The following TMEM167A variants were observed in gnomAD, a reference collection of about 807,000 sequenced individuals.
TMEM167A encodes protein kish-A.
A neutral mutation model predicts 11.6 loss-of-function variants in TMEM167A; 8 were observed. The ratio of observed to expected loss-of-function variants is 0.69; its 90% CI spans 0.40 to 1.24. The LOEUF is 1.24. TMEM167A is among the 50% of genes most tolerant of loss of function. TMEM167A has a pLI of 0.01. For missense variants in TMEM167A, 62 were observed against 87.0 expected (o/e 0.71, Z 1.14); for synonymous variants, 22 against 28.0 (o/e 0.79, Z 0.67).
At chr5:83,067,556 G>A (rs574807189) in intron 1 of TMEM167A, among the ~76,000 whole-genome samples, 82 of 152,284 alleles carry the variant, frequency 5.4e-4, no homozygotes, top group Middle Eastern at 3.4e-3. Context: ...CCAGGCTGAA[G>A]TGCAGTGGTG....
intron 2 of TMEM167A, among the ~76,000 whole-genome samples, chr5:83,062,327 T>C (rs1241215380): frequency 6.6e-6 from 1 of 152,212 alleles, no homozygotes; most frequent in African/African-American, 2.4e-5. Context: ...AACACTCTTA[T>C]AATAAACTTT....
At chr5:83,065,253 T>G in intron 1 of TMEM167A, 136 bp from the exon 2 acceptor site, 1 of 602,106 alleles carries the variant, frequency 1.7e-6, no homozygotes, top group South Asian at 2.3e-5. Flanking sequence ...TGGCAACACT[T>G]AAAACCAGAA....
intron 1 of TMEM167A, among the ~76,000 whole-genome samples, chr5:83,067,679 A>AT (rs75444591): frequency 0.024 from 3,506 of 143,590 alleles, 46 homozygotes; most frequent in African/African-American, 0.038. Context: ...TAAATTTTGT[A>AT]TTTTTTTTTT....
At chr5:83,062,953 G>C (rs78770893) in intron 2 of TMEM167A, among the ~76,000 whole-genome samples, 1 of 150,112 alleles carries the variant, frequency 6.7e-6, no homozygotes, top group Non-Finnish European at 1.5e-5. Flanking sequence ...TTCTATATAT[G>C]TTCCTCCTCT....
At chr5:83,074,115 T>A (rs1042915755) in intron 1 of TMEM167A, among the ~76,000 whole-genome samples, 1 of 152,248 alleles carries the variant, frequency 6.6e-6, no homozygotes, top group African/African-American at 2.4e-5. Context: ...GTCTTTGGCA[T>A]GGCACAAAGC....
chr5:83,073,921 G>A (rs1006953189), intron 1 of TMEM167A, among the ~76,000 whole-genome samples: 1 of 152,154 alleles, frequency 6.6e-6, no homozygotes, highest in African/African-American at 2.4e-5. Flanking sequence ...TCAGAGTTGA[G>A]ACATTCAATC....
At chr5:83,072,190 T>A (rs536675928) in intron 1 of TMEM167A, among the ~76,000 whole-genome samples, 1 of 152,086 alleles carries the variant, frequency 6.6e-6, no homozygotes, top group South Asian at 2.1e-4. Context: ...CTATTTTATA[T>A]AAACCTCAGA....
At chr5:83,075,667 C>T (rs925157869) in intron 1 of TMEM167A, among the ~76,000 whole-genome samples, 7 of 151,898 alleles carry the variant, frequency 4.6e-5, no homozygotes, top group Admixed American at 3.9e-4. Context: ...ATTGCTTGAA[C>T]CCAGGAAGCA....
At chr5:83,077,272 A>C in intron 1 of TMEM167A, 49 bp downstream of exon 1, 1 of 1,614,144 alleles carries the variant, frequency 6.2e-7, no homozygotes, top group Non-Finnish European at 8.5e-7. Flanking sequence ...GTCTAGATCC[A>C]CAACCCCTTC....
rs1446499725 is a variant in TMEM167A at position 83,053,013 on chromosome 5, T to A, written c.*4071A>T. The A allele has an allele frequency of 6.6e-6, 1 of 151,906 alleles. No individual in the cohort carries two copies. Among genetic ancestry groups the A allele is most frequent in the East Asian group, 1.9e-4 (1 of 5,192 alleles). 9.4% of individuals were successfully genotyped at this position (151,906 alleles called of 1,614,324 possible). On this transcript the variant is annotated 3_prime_UTR_variant, in exon 4 of 4. Coordinates refer to ENST00000502346, the MANE Select transcript of TMEM167A (RefSeq NM_174909.5). ...TTTTGGAGATTAGCTTAGGGCAAAG[T>A]AAAAGTCATGGAAGGCAGTGTATAA...
At chr5:83,059,446 C>G (rs1410261539) in intron 3 of TMEM167A, among the ~76,000 whole-genome samples, 2 of 148,880 alleles carry the variant, frequency 1.3e-5, no homozygotes, top group East Asian at 3.9e-4. Flanking sequence ...TAACTCCAGA[C>G]CTGCTCTTCC....
At chr5:83,066,227 A>G (rs1402969305) in intron 1 of TMEM167A, among the ~76,000 whole-genome samples, 3 of 152,210 alleles carry the variant, frequency 2.0e-5, no homozygotes, top group East Asian at 3.8e-4. Flanking sequence ...AAATATGTCA[A>G]TCTCACACAA....
intron 1 of TMEM167A, among the ~76,000 whole-genome samples, chr5:83,074,052 C>T (rs570779299): frequency 1.3e-5 from 2 of 152,318 alleles, no homozygotes; most frequent in East Asian, 3.9e-4. Flanking sequence ...CCTTTTATTT[C>T]CCTGCTCCAA....
chr5:83,075,181 G>T (rs903765678), intron 1 of TMEM167A, among the ~76,000 whole-genome samples: 8 of 152,042 alleles, frequency 5.3e-5, no homozygotes, highest in Non-Finnish European at 1.2e-4. Flanking sequence ...TGTGAAAAGG[G>T]TTATGCTAGA....
chr5:83,065,471 G>A (rs993760678), intron 1 of TMEM167A, among the ~76,000 whole-genome samples: 25 of 151,994 alleles, frequency 1.6e-4, no homozygotes, highest in African/African-American at 5.8e-4. Context: ...CAAATACTAG[G>A]CTAATAGATT....
chr5:83,070,703 A>G (rs1744546972), intron 1 of TMEM167A, among the ~76,000 whole-genome samples: 1 of 152,182 alleles, frequency 6.6e-6, no homozygotes, highest in Non-Finnish European at 1.5e-5. Context: ...TTCTATTTTC[A>G]AGTCTATTTG....
chr5:83,061,648 G>C (rs1744408300), intron 3 of TMEM167A, among the ~76,000 whole-genome samples: 1 of 152,166 alleles, frequency 6.6e-6, no homozygotes, highest in African/African-American at 2.4e-5. Flanking sequence ...TCCTGCCTTG[G>C]CCTCAAAAAG....
intron 1 of TMEM167A, among the ~76,000 whole-genome samples, chr5:83,072,397 A>G (rs1306892138): frequency 2.0e-5 from 3 of 152,222 alleles, no homozygotes; most frequent in Non-Finnish European, 4.4e-5. Flanking sequence ...AGAAAAAAAC[A>G]AAAACTGATA....
At chr5:83,074,324 C>A (rs1022080620) in intron 1 of TMEM167A, among the ~76,000 whole-genome samples, 3 of 152,190 alleles carry the variant, frequency 2.0e-5, no homozygotes, top group African/African-American at 2.4e-5. Flanking sequence ...CCCTAATACT[C>A]TTTAAAGTAC....
Sources: allele counts gnomAD v4.1 joint callset (sites outside exome capture counted in the v4.1 genomes callset), GRCh38; gene constraint gnomAD v4.1.1; transcripts MANE v1.5; gene names NCBI Gene and HGNC (gene_info 2026-07-23, HGNC 2026-07-21).